The following RGS6 variants were observed in gnomAD, a reference collection of about 807,000 sequenced individuals.
RGS6 encodes the protein regulator of G protein signaling 6.
A neutral mutation model predicts 78.5 loss-of-function variants in RGS6; 30 were observed. That is an observed-to-expected ratio of 0.38 (90% CI 0.29 to 0.52). The LOEUF is 0.52. Among genes scored for constraint, RGS6 ranks in the 20% least tolerant of loss-of-function variants. RGS6 has a pLI of 0.85. For missense variants in RGS6, 495 were observed against 609.7 expected, an observed-to-expected ratio of 0.81 and a Z score of 1.98; for synonymous variants, 206 against 206.0, an observed-to-expected ratio of 1.00 and a Z score of 0.00.
chr14:71,929,190 T>C (rs192637235), upstream of RGS6, among the ~76,000 whole-genome samples: 45 of 152,340 alleles, frequency 3.0e-4, no homozygotes, highest in Non-Finnish European at 1.6e-4. Flanking sequence ...TTTTAATCCA[T>C]TGAATCCACA....
At position 72,027,543 on chromosome 14, in the gene RGS6, T is replaced by C. The variant is rs182055163; in HGVS notation, c.84+62668T>C. 7.2e-3 allele frequency among the ~76,000 whole-genome samples: 1,098 copies of C among 152,098 alleles called. 13 individuals carry two copies. Among genetic ancestry groups the C allele is most frequent in the African/African-American group, 0.025 (1,038 of 41,470 alleles). ...TAAATGAAGTGGTTTTACTACCCTGTTGTAGCCCAGTGACAGATGATCAGT... is the reference window on the plus strand; with the variant it reads ...TAAATGAAGTGGTTTTACTACCCTGCTGTAGCCCAGTGACAGATGATCAGT... On this transcript the variant is annotated intron_variant, in intron 2 of 17. Coordinates refer to ENST00000553525, the MANE Select transcript of RGS6 (RefSeq NM_001204424.2).
At chr14:71,902,131 C>G in the RGS6 span, among the ~76,000 whole-genome samples, 2 of 152,000 alleles carry the variant, frequency 1.3e-5, no homozygotes, top group Non-Finnish European at 2.9e-5. Context: ...AACTGAAAAC[C>G]AACCTGCTTC....
chr14:72,584,667 C>T, the RGS6 span, among the ~76,000 whole-genome samples: 8 of 152,150 alleles, frequency 5.3e-5, no homozygotes, highest in Non-Finnish European at 8.8e-5. Flanking sequence ...CAGCCTCTGC[C>T]ATGGGATGAA....
chr14:72,497,636 C>T (rs1452211162), intron 13 of RGS6, among the ~76,000 whole-genome samples: 1 of 152,218 alleles, frequency 6.6e-6, no homozygotes, highest in South Asian at 2.1e-4. Flanking sequence ...TTACCTTTGC[C>T]TCCCTTAAAT....
chr14:72,060,867 C>T (rs1021912218), intron 2 of RGS6, among the ~76,000 whole-genome samples: 1 of 152,136 alleles, frequency 6.6e-6, no homozygotes, highest in Non-Finnish European at 1.5e-5. Flanking sequence ...TTCATTTCTT[C>T]TTTCCAGAGA....
chr14:72,124,545 A>G (rs1597988623), intron 2 of RGS6, among the ~76,000 whole-genome samples: 1 of 152,224 alleles, frequency 6.6e-6, no homozygotes, highest in African/African-American at 2.4e-5. Context: ...TGTCTTAGGC[A>G]TTTGAAATAT....
chr14:72,361,878 A>G (rs1303487794), intron 3 of RGS6, among the ~76,000 whole-genome samples: 2 of 152,166 alleles, frequency 1.3e-5, no homozygotes, highest in Non-Finnish European at 2.9e-5. Flanking sequence ...AGCAGTTAGT[A>G]GCAGGACAGT....
chr14:72,577,963 G>T, the RGS6 span, among the ~76,000 whole-genome samples: 1 of 152,358 alleles, frequency 6.6e-6, no homozygotes, highest in East Asian at 1.9e-4. Context: ...TGCAGAGGCT[G>T]CATGAGTGGC....
Position 72,057,380 on chromosome 14 carries a change from A to G in RGS6, c.84+92505A>G, listed in dbSNP as rs563082213. On this transcript the variant is annotated intron_variant, in intron 2 of 17. Transcript: ENST00000553525. ...GTAGGCACATTTATGTCTACCTATT[A>G]TGATGTCAAGGGTGTATTCCAGTTT... 9.4e-5 allele frequency among the ~76,000 whole-genome samples: 14 copies of G among 148,334 alleles called. No individual in the cohort carries two copies. The East Asian group carries it at 1.8e-3, about 19-fold the overall frequency.
intron 3 of RGS6, among the ~76,000 whole-genome samples, chr14:72,375,111 T>TG (rs1566661700): frequency 6.6e-6 from 1 of 152,130 alleles, no homozygotes; most frequent in African/African-American, 2.4e-5. Context: ...TTAAAAGACT[T>TG]GAAGAAGAGA....
At chr14:72,005,196 G>A (rs993866448) in intron 2 of RGS6, among the ~76,000 whole-genome samples, 1 of 152,086 alleles carries the variant, frequency 6.6e-6, no homozygotes, top group Non-Finnish European at 1.5e-5. Flanking sequence ...GCCTATTTTT[G>A]CATTAAAACA....
At chr14:72,364,021 A>AAC (rs1464786468) in intron 3 of RGS6, among the ~76,000 whole-genome samples, 2 of 150,820 alleles carry the variant, frequency 1.3e-5, no homozygotes, top group African/African-American at 4.9e-5. Context: ...AAAAAAAAAA[A>AAC]AAAAACTCTA....
At chr14:72,412,548 T>C (rs112182391) in intron 3 of RGS6, among the ~76,000 whole-genome samples, 1 of 152,176 alleles carries the variant, frequency 6.6e-6, no homozygotes, top group African/African-American at 2.4e-5. Context: ...TTTGAAGGGT[T>C]TTTTGTGTCT....
At chr14:71,897,262 A>G in the RGS6 span, among the ~76,000 whole-genome samples, 1 of 152,214 alleles carries the variant, frequency 6.6e-6, no homozygotes, top group Non-Finnish European at 1.5e-5. Flanking sequence ...GTTCCAGAAT[A>G]AGGAGAAATT....
chr14:71,990,172 C>T (rs759719094), intron 2 of RGS6, among the ~76,000 whole-genome samples: 5 of 151,568 alleles, frequency 3.3e-5, no homozygotes, highest in African/African-American at 4.9e-5. Context: ...CAGCCCAGCA[C>T]GAAGTCATTC....
chr14:72,147,883 G>A lies in RGS6; in HGVS notation c.84+183008G>A, dbSNP rs1480229216. ...GCAGTGGCTCATGCCTGTAATCCCAGCACTTTGGGAGGCCAAGGCGGGCAG... is the reference window on the plus strand; with the variant it reads ...GCAGTGGCTCATGCCTGTAATCCCAACACTTTGGGAGGCCAAGGCGGGCAG... On this transcript the variant is annotated intron_variant, in intron 2 of 17. Transcript: ENST00000553525. 2.0e-5 allele frequency among the ~76,000 whole-genome samples: 3 copies of A among 152,278 alleles called. No individual in the cohort carries two copies. In the East Asian group the frequency reaches 5.8e-4, roughly 29 times the overall value.
At chr14:72,175,340 A>C (rs1430847442) in intron 2 of RGS6, among the ~76,000 whole-genome samples, 5 of 152,208 alleles carry the variant, frequency 3.3e-5, no homozygotes, top group African/African-American at 9.7e-5. Context: ...TGACTTTTAG[A>C]ATGTTCAGTT....
intron 2 of RGS6, among the ~76,000 whole-genome samples, chr14:72,128,404 C>T (rs2096247665): frequency 6.6e-6 from 1 of 152,112 alleles, no homozygotes; most frequent in Non-Finnish European, 1.5e-5. Flanking sequence ...TAAATAGTTA[C>T]ATTGTGTTCA....
intron 3 of RGS6, among the ~76,000 whole-genome samples, chr14:72,360,420 GC>G (rs1319914363): frequency 6.6e-6 from 1 of 151,992 alleles, no homozygotes; most frequent in African/African-American, 2.4e-5. Context: ...TACTCGGGAG[GC>G]TGAGGCAGGA....
Sources: allele counts gnomAD v4.1 joint callset (sites outside exome capture counted in the v4.1 genomes callset), GRCh38; gene constraint gnomAD v4.1.1; transcripts MANE v1.5; gene names NCBI Gene and HGNC (gene_info 2026-07-23, HGNC 2026-07-21).